The following GNAQ variants were observed in gnomAD, a reference collection of about 807,000 sequenced individuals.
GNAQ encodes the protein G protein subunit alpha q, also known as guanine nucleotide-binding protein G(q) subunit alpha.
GNAQ carries 8 observed loss-of-function variants against 43.9 expected under a neutral mutation model. The observed-to-expected ratio is 0.18, with a 90% CI of 0.11 to 0.33. The LOEUF (loss-of-function observed/expected upper bound fraction) is 0.33, where lower values mean the gene tolerates loss of function less well. GNAQ is among the 10% of genes least tolerant of loss of function. GNAQ has a pLI of 1.00. For missense variants in GNAQ, 158 were observed against 450.8 expected (o/e 0.35, Z 5.88); for synonymous variants, 155 against 170.7 (o/e 0.91, Z 0.71).
intron 1 of GNAQ, among the ~76,000 whole-genome samples, chr9:77,933,735 A>G (rs142167193): frequency 2.7e-4 from 41 of 152,352 alleles, no homozygotes; most frequent in African/African-American, 8.9e-4. Flanking sequence ...AAGATATAAA[A>G]ATATAAAGTC....
rs186362939 is a variant in GNAQ, at chr9:77,780,045, T to C, written c.735+14418A>G. ...ACATATTTATGGGTACATAGTAATA[T>C]AGCAATATGTATAATGCATAGTGAT... is the stretch of plus-strand genomic sequence containing the variant. On this transcript the variant is annotated intron_variant, in intron 5 of 6. Transcript: ENST00000286548. 1.5e-4 allele frequency among the ~76,000 whole-genome samples: 23 copies of C among 152,084 alleles called. 1 individual carries two copies. Among genetic ancestry groups the C allele is most frequent in the Admixed American group, 5.2e-4 (8 of 15,286 alleles).
At chr9:77,898,656 G>A (rs1242588408) in intron 2 of GNAQ, among the ~76,000 whole-genome samples, 1 of 152,158 alleles carries the variant, frequency 6.6e-6, no homozygotes, top group East Asian at 1.9e-4. Flanking sequence ...TGGACAGATG[G>A]AAGAACAAGT....
intron 2 of GNAQ, among the ~76,000 whole-genome samples, chr9:77,904,791 C>T (rs1324679107): frequency 1.3e-5 from 2 of 152,084 alleles, no homozygotes; most frequent in East Asian, 1.9e-4. Context: ...TGTTTGAAAA[C>T]GATGCAGCTA....
chr9:77,956,430 G>A (rs1191553835), intron 1 of GNAQ, among the ~76,000 whole-genome samples: 1 of 152,170 alleles, frequency 6.6e-6, no homozygotes, highest in South Asian at 2.1e-4. Flanking sequence ...TTGGAATGCA[G>A]GAAGAGCTAG....
chr9:77,745,570 C>CA (rs1016669605), intron 5 of GNAQ, among the ~76,000 whole-genome samples: 57 of 146,098 alleles, frequency 3.9e-4, no homozygotes, highest in South Asian at 2.6e-3. Flanking sequence ...CTTAGGATTT[C>CA]AAAAAAAAAA....
intron 2 of GNAQ, among the ~76,000 whole-genome samples, chr9:77,908,832 T>C (rs758078569): frequency 3.3e-5 from 5 of 152,154 alleles, no homozygotes; most frequent in African/African-American, 4.8e-5. Context: ...GAAAGCAGAA[T>C]CTCAGGCCCA....
intron 5 of GNAQ, among the ~76,000 whole-genome samples, chr9:77,731,604 T>C (rs10869960): frequency 1.3e-5 from 2 of 152,098 alleles, no homozygotes; most frequent in African/African-American, 4.8e-5. Flanking sequence ...TCCAGGAATC[T>C]GCTTCTTACA....
At position 77,728,186 on chromosome 9, in the gene GNAQ, G is replaced by A. The variant is rs1046655411; in HGVS notation, c.889+328C>T. The stretch of plus-strand genomic sequence containing the variant: ...ATTTTTATATTTTTAGTAGAAACGG[G>A]GTTTCACCATGTTGACCAGGATGGT... On this transcript the variant is annotated intron_variant, in intron 6 of 6. Coordinates refer to ENST00000286548, the MANE Select transcript of GNAQ (RefSeq NM_002072.5). Among the ~76,000 whole-genome samples the A allele has an allele frequency of 6.6e-5, 10 of 152,074 alleles. 1 individual carries two copies. The highest frequency in any genetic ancestry group is 6.5e-4 in the Admixed American group (10 of 15,276).
At chr9:77,839,421 A>C (rs1402360646) in intron 2 of GNAQ, among the ~76,000 whole-genome samples, 1 of 152,250 alleles carries the variant, frequency 6.6e-6, no homozygotes, top group African/African-American at 2.4e-5. Flanking sequence ...TGGTACCAGG[A>C]ATCCAAAGTC....
intron 1 of GNAQ, among the ~76,000 whole-genome samples, chr9:77,995,669 A>C (rs1823559426): frequency 6.6e-6 from 1 of 151,960 alleles, no homozygotes; most frequent in Non-Finnish European, 1.5e-5. Context: ...TTTTGTAGAA[A>C]TGGGGTCTCA....
intron 1 of GNAQ, among the ~76,000 whole-genome samples, chr9:77,927,991 A>G (rs1414791388): frequency 6.6e-6 from 1 of 152,218 alleles, no homozygotes; most frequent in Admixed American, 6.5e-5. Flanking sequence ...GCACCACCTC[A>G]TCTGAACTTG....
intron 1 of GNAQ, among the ~76,000 whole-genome samples, chr9:78,030,860 C>T (rs1356258056): frequency 6.6e-6 from 1 of 151,874 alleles, no homozygotes; most frequent in Non-Finnish European, 1.5e-5. Flanking sequence ...AGGGCAGCCC[C>T]GACCCCTGTG....
At chr9:77,972,741 T>A (rs911275016) in intron 1 of GNAQ, among the ~76,000 whole-genome samples, 2 of 151,960 alleles carry the variant, frequency 1.3e-5, no homozygotes, top group Non-Finnish European at 2.9e-5. Context: ...ATCGATCACC[T>A]GAGGAGTTCG....
chr9:77,864,125 A>G (rs961523399), intron 2 of GNAQ, among the ~76,000 whole-genome samples: 1 of 151,260 alleles, frequency 6.6e-6, no homozygotes, highest in African/African-American at 2.4e-5. Flanking sequence ...CAGGCACCAC[A>G]TGGCAAGAGA....
chr9:77,877,166 A>G lies in GNAQ; in HGVS notation c.321+44995T>C, dbSNP rs929510505. Among the ~76,000 whole-genome samples, 5 of 152,200 alleles carry G rather than the reference A, an allele frequency of 3.3e-5. 1 individual carries two copies. The highest frequency in any genetic ancestry group is 7.3e-5 in the Non-Finnish European group (5 of 68,044). On this transcript the variant is annotated intron_variant, in intron 2 of 6. Transcript: ENST00000286548. ...TGCAATTACTCTGTCACATTTTTCT[A>G]CACCTAATAATGGCTCCAATGCTTG...
At position 77,780,067 on chromosome 9, in the gene GNAQ, T is replaced by TGATC. The variant is rs200175212; in HGVS notation, c.735+14392_735+14395dup. ...ATATAGCAATATGTATAATGCATAG[T>TGATC]GATCAGATGAGAGTAATCAGCATAT... On this transcript the variant is annotated intron_variant, in intron 5 of 6. Coordinates refer to ENST00000286548, the MANE Select transcript of GNAQ (RefSeq NM_002072.5). Among the ~76,000 whole-genome samples, 1,119 of 152,064 alleles carry TGATC rather than the reference T, an allele frequency of 7.4e-3. 12 individuals are homozygous for TGATC. The highest frequency in any genetic ancestry group is 0.026 in the African/African-American group (1,060 of 41,540).
At chr9:77,912,592 T>C (rs1219460829) in intron 2 of GNAQ, among the ~76,000 whole-genome samples, 5 of 152,012 alleles carry the variant, frequency 3.3e-5, no homozygotes, top group African/African-American at 7.3e-5. Context: ...GAAAGAACCA[T>C]TAAGAAAACA....
At chr9:77,864,286 C>T (rs892927705) in intron 2 of GNAQ, among the ~76,000 whole-genome samples, 1 of 151,566 alleles carries the variant, frequency 6.6e-6, no homozygotes, top group African/African-American at 2.4e-5. Context: ...ATGACCCAAA[C>T]ACCTCCCATT....
intron 1 of GNAQ, among the ~76,000 whole-genome samples, chr9:77,952,473 ATAAG>A (rs1822993603): frequency 6.6e-6 from 1 of 152,212 alleles, no homozygotes; most frequent in African/African-American, 2.4e-5. Flanking sequence ...AAAAAAGTAA[ATAAG>A]TATGTTAGCA....
Sources: gnomAD v4.1 joint callset for allele counts (sites outside exome capture counted in the v4.1 genomes callset) on GRCh38, gnomAD v4.1.1 for gene constraint, MANE v1.5 for transcripts, NCBI Gene and HGNC (gene_info 2026-07-23, HGNC 2026-07-21) for gene names.